DLG2: variants seen among roughly 807,000 people sequenced by gnomAD.
DLG2 encodes disks large homolog 2.
A neutral mutation model predicts 132.5 loss-of-function variants in DLG2; 45 were observed. That is an observed-to-expected ratio of 0.34 (90% confidence interval 0.27 to 0.44). DLG2 has a LOEUF of 0.44. DLG2 is among the 20% of genes least tolerant of loss of function. The pLI is 1.00. For synonymous variants in DLG2, 424 were observed against 419.6 expected, an observed-to-expected ratio of 1.01 and a Z score of -0.13; for missense variants, 1,045 against 1,196.9, an observed-to-expected ratio of 0.87 and a Z score of 1.87.
intron 3 of DLG2, among the ~76,000 whole-genome samples, chr11:85,314,331 C>A (rs866507277): frequency 6.6e-6 from 1 of 151,632 alleles, no homozygotes; most frequent in Admixed American, 6.6e-5. Flanking sequence ...TTAAAAATAT[C>A]AATAACTGTG....
chr11:83,599,216 A>G (rs2058117347), intron 19 of DLG2, among the ~76,000 whole-genome samples: 1 of 152,164 alleles, frequency 6.6e-6, no homozygotes, highest in South Asian at 2.1e-4. Flanking sequence ...CAAATTCAGC[A>G]TGGAAGGTAT....
At chr11:83,596,552 C>A (rs752810865) in intron 19 of DLG2, among the ~76,000 whole-genome samples, 11 of 152,190 alleles carry the variant, frequency 7.2e-5, no homozygotes, top group Non-Finnish European at 1.5e-4. Context: ...TATGATCCAT[C>A]CTTCCCATCG....
At position 85,103,793 on chromosome 11, in the gene DLG2, A is replaced by C. The variant is rs146453489; in HGVS notation, c.357+7868T>G. Reference sequence around the variant, plus strand: ...AAAAAGTAAAAAGATAACCCACAGAACAGGAGAAAATATCTGCAGATCACA... The same window carrying C: ...AAAAAGTAAAAAGATAACCCACAGACCAGGAGAAAATATCTGCAGATCACA... On this transcript the variant is annotated intron_variant, in intron 6 of 27. Coordinates refer to ENST00000376104, the MANE Select transcript of DLG2 (RefSeq NM_001142699.3). Among the ~76,000 whole-genome samples the C allele has an allele frequency of 1.4e-3, 216 of 152,074 alleles. 1 individual carries two copies. The highest frequency in any genetic ancestry group is 5.1e-3 in the African/African-American group (212 of 41,540).
At chr11:84,279,479 A>G (rs2097827744) in intron 7 of DLG2, among the ~76,000 whole-genome samples, 1 of 152,244 alleles carries the variant, frequency 6.6e-6, no homozygotes, top group African/African-American at 2.4e-5. Flanking sequence ...AAGGATTATA[A>G]GTCATTCTAC....
At chr11:85,495,905 T>A (rs1298758569) in intron 3 of DLG2, among the ~76,000 whole-genome samples, 1 of 152,128 alleles carries the variant, frequency 6.6e-6, no homozygotes, top group South Asian at 2.1e-4. Context: ...ATAGGCTGCA[T>A]AAAGAAAATG....
intron 6 of DLG2, among the ~76,000 whole-genome samples, chr11:84,573,486 A>G (rs1478475557): frequency 2.0e-5 from 3 of 152,160 alleles, no homozygotes; most frequent in African/African-American, 7.2e-5. Context: ...TAGGATACCA[A>G]AAAGGATGCA....
chr11:84,556,205 C>T (rs1044014794), intron 6 of DLG2, among the ~76,000 whole-genome samples: 1 of 152,180 alleles, frequency 6.6e-6, no homozygotes, highest in Non-Finnish European at 1.5e-5. Flanking sequence ...GGAGACAGGA[C>T]ATGGTCAGGT....
chr11:85,616,379 C>T (rs1484894759), intron 2 of DLG2, among the ~76,000 whole-genome samples: 8 of 152,176 alleles, frequency 5.3e-5, no homozygotes, highest in Admixed American at 5.2e-4. Context: ...TTCACAGGAT[C>T]TTGGTGGCAT....
At chr11:85,139,224 G>T (rs1276282516) in intron 5 of DLG2, among the ~76,000 whole-genome samples, 1 of 152,042 alleles carries the variant, frequency 6.6e-6, no homozygotes, top group Non-Finnish European at 1.5e-5. Flanking sequence ...ACCAGTGAGA[G>T]CAGGAACCTT....
intron 6 of DLG2, among the ~76,000 whole-genome samples, chr11:84,778,721 G>GA (rs2071149323): frequency 1.3e-5 from 2 of 152,066 alleles, no homozygotes; most frequent in African/African-American, 4.8e-5. Context: ...ATTGTTTTTG[G>GA]ATGTATCTGG....
chr11:85,275,858 A>G (rs908602438), intron 4 of DLG2, among the ~76,000 whole-genome samples: 4 of 152,140 alleles, frequency 2.6e-5, no homozygotes, highest in African/African-American at 9.7e-5. Flanking sequence ...GGGGAGTTCT[A>G]TCATGCTTAC....
At chr11:84,544,268 A>G (rs760579452) in intron 6 of DLG2, among the ~76,000 whole-genome samples, 26 of 152,334 alleles carry the variant, frequency 1.7e-4, no homozygotes, top group Middle Eastern at 3.4e-3. Context: ...CAAGCTCTCT[A>G]AGTCAGAATG....
intron 6 of DLG2, among the ~76,000 whole-genome samples, chr11:84,734,360 T>C (rs1189457489): frequency 1.3e-5 from 2 of 152,174 alleles, no homozygotes; most frequent in East Asian, 3.9e-4. Flanking sequence ...TCACATCCCT[T>C]GTAAGTTGGA....
chr11:83,528,816 C>T (rs995655352), intron 21 of DLG2, among the ~76,000 whole-genome samples: 2 of 152,044 alleles, frequency 1.3e-5, no homozygotes, highest in Non-Finnish European at 2.9e-5. Context: ...TCATTGTTTG[C>T]CTGCTTATAT....
At chr11:84,316,106 T>C (rs1012238011) in intron 7 of DLG2, among the ~76,000 whole-genome samples, 1 of 152,168 alleles carries the variant, frequency 6.6e-6, no homozygotes, top group Non-Finnish European at 1.5e-5. Context: ...ATGATAGTAG[T>C]CTGGGGGCTA....
At chr11:84,078,819 CA>C (rs2096862998) in intron 10 of DLG2, among the ~76,000 whole-genome samples, 1 of 152,156 alleles carries the variant, frequency 6.6e-6, no homozygotes, top group South Asian at 2.1e-4. Context: ...TAAAGGTTCC[CA>C]ATGACATTCC....
intron 5 of DLG2, among the ~76,000 whole-genome samples, chr11:85,138,173 G>A (rs540582306): frequency 1.6e-4 from 24 of 152,242 alleles, no homozygotes; most frequent in African/African-American, 5.5e-4. Flanking sequence ...TTTTTCTCAT[G>A]TGAGTTGGAA....
rs1232302841 is a variant in DLG2, at chr11:83,556,593, A to T, written c.1941-14735T>A. On this transcript the variant is annotated intron_variant, in intron 19 of 27. Coordinates refer to ENST00000376104, the MANE Select transcript of DLG2 (RefSeq NM_001142699.3). The stretch of plus-strand genomic sequence containing the variant: ...TGCCATGTTGCCCAGGCTAGTCTAG[A>T]ACTTTTAGACTCAAGTGATGCTCCT... Among the ~76,000 whole-genome samples, 6 of 152,062 alleles carry T rather than the reference A, an allele frequency of 3.9e-5. 1 individual carries two copies. Among genetic ancestry groups the T allele is most frequent in the Admixed American group, 6.5e-5 (1 of 15,272 alleles).
intron 6 of DLG2, among the ~76,000 whole-genome samples, chr11:84,927,105 G>A (rs1211482613): frequency 6.6e-6 from 1 of 151,964 alleles, no homozygotes; most frequent in Non-Finnish European, 1.5e-5. Context: ...CAGTGGGCAT[G>A]TAATACTTTA....
Sources: allele counts gnomAD v4.1 joint callset (sites outside exome capture counted in the v4.1 genomes callset), GRCh38; gene constraint gnomAD v4.1.1; transcripts MANE v1.5; gene names NCBI Gene and HGNC (gene_info 2026-07-23, HGNC 2026-07-21).